Variants in ARHGAP11A observed in about 807,000 individuals in gnomAD.
ARHGAP11A encodes the protein Rho GTPase activating protein 11A.
A neutral mutation model predicts 60.5 loss-of-function variants in ARHGAP11A; 36 were observed. The observed-to-expected ratio is 0.59, with a 90% CI of 0.46 to 0.79. The LOEUF (loss-of-function observed/expected upper bound fraction) is 0.79, where lower values mean the gene tolerates loss of function less well. ARHGAP11A is among the 30% of genes least tolerant of loss of function. The pLI is 0.00. For synonymous variants in ARHGAP11A, 362 were observed against 415.5 expected, an observed-to-expected ratio of 0.87 and a Z score of 1.57; for missense variants, 1,071 against 1,199.2, an observed-to-expected ratio of 0.89 and a Z score of 1.58.
At position 32,636,960 on chromosome 15, in the gene ARHGAP11A, A is replaced by C; in HGVS notation, c.2187A>C (p.Pro729=). The change falls in exon 12 of 12, where the codon CCA becomes CCC. Residue 729 remains proline (P), a synonymous_variant. Coordinates refer to ENST00000361627, the MANE Select transcript of ARHGAP11A (RefSeq NM_014783.6). ...SDEEIKKQQS[P]KDKLNNKLKE... is the part of the protein sequence containing the mutation. Reference sequence around the variant, plus strand: ...AAGAAATAAAGAAACAGCAGTCCCCAAAGGATAAACTAAATAATAAATTAA... The same window carrying C: ...AAGAAATAAAGAAACAGCAGTCCCCCAAGGATAAACTAAATAATAAATTAA... 2 of 1,610,470 alleles carry C rather than the reference A, an allele frequency of 1.2e-6. No homozygotes were observed. The highest frequency in any genetic ancestry group is 1.7e-6 in the Non-Finnish European group (2 of 1,179,022).
In ARHGAP11A at chr15:32,636,388, T is replaced by C. The variant is rs2053714312; in HGVS notation, c.1615T>C (p.Ser539Pro). The C allele has an allele frequency of 1.9e-6, 3 of 1,614,116 alleles. No homozygotes were observed. The highest frequency in any genetic ancestry group is 2.2e-5 in the East Asian group (1 of 44,870). ...FQEVDANEASSMVENLEVENS... is the reference protein window; with the variant it reads ...FQEVDANEASPMVENLEVENS... ...AGAAGTAGATGCAAATGAAGCTTCTTCAATGGTGGAAAATCTTGAGGTAGA... is the reference window on the plus strand; with the variant it reads ...AGAAGTAGATGCAAATGAAGCTTCTCCAATGGTGGAAAATCTTGAGGTAGA... Residue 539 changes from serine to proline, a missense_variant, in exon 12 of 12, where the codon TCA (serine) becomes CCA (proline). Around this residue, in one of 4 missense-constraint regions of ARHGAP11A, gnomAD observed 776 missense variants for 760.2 expected, o/e 1.02. Coordinates refer to ENST00000361627, the MANE Select transcript of ARHGAP11A (RefSeq NM_014783.6).
At position 32,638,249 on chromosome 15, in the gene ARHGAP11A, A is replaced by G. The variant is rs1173797269; in HGVS notation, c.*404A>G. The stretch of plus-strand genomic sequence containing the variant: ...CCACCACGCCCAGCTAATTTTTTGT[A>G]TTTTTAGTAGAGACGGTTTCACCGT... On this transcript the variant is annotated 3_prime_UTR_variant, in exon 12 of 12. Coordinates refer to ENST00000361627, the MANE Select transcript of ARHGAP11A (RefSeq NM_014783.6). The G allele has an allele frequency of 6.2e-6, 1 of 160,502 alleles. No homozygotes were observed. The highest frequency in any genetic ancestry group is 2.4e-5 in the African/African-American group (1 of 41,442). 9.9% of individuals were successfully genotyped at this position (160,502 alleles called of 1,614,324 possible).
chr15:32,621,063 C>T (rs1040166430), intron 2 of ARHGAP11A, among the ~76,000 whole-genome samples: 1 of 149,618 alleles, frequency 6.7e-6, no homozygotes, highest in African/African-American at 2.5e-5. Context: ...AGAGTGAGAC[C>T]ATGTCTCTTG....
chr15:32,637,506 A>C lies in ARHGAP11A; in HGVS notation c.2733A>C (p.Ser911=). ...AGAAGTCCATGTCATGTGAAGAGTC[A>C]AATATTGGTGCAATTTCAAAGTCAA... ...KEQKSMSCEE[S]NIGAISKSSM... Residue 911 remains serine, a synonymous_variant, in exon 12 of 12, where the codon TCA becomes TCC. Transcript: ENST00000361627. 6.2e-7 allele frequency: 1 copy of C among 1,613,978 alleles called. No individual in the cohort carries two copies.
intron 10 of ARHGAP11A, 69 bp from the exon 11 acceptor site, chr15:32,635,708 T>A (rs2053689739): frequency 3.6e-6 from 4 of 1,117,450 alleles, no homozygotes; most frequent in Middle Eastern, 3.2e-4. Flanking sequence ...CTACAAAAAA[T>A]TATTCTGTCT....
Position 32,616,333 on chromosome 15 carries a change from A to C in ARHGAP11A, c.122A>C (p.Glu41Ala), listed in dbSNP as rs2053144288. The C allele has an allele frequency of 1.8e-5, 29 of 1,613,970 alleles. No homozygotes were observed. The highest frequency in any genetic ancestry group is 2.5e-5 in the Non-Finnish European group (29 of 1,179,950). Residue 41 changes from glutamate (E) to alanine (A), a missense_variant, in exon 1 of 12, where the codon GAA becomes GCA. Around this residue, in one of 4 missense-constraint regions of ARHGAP11A, gnomAD observed 71 missense variants for 142.4 expected, o/e 0.50. Coordinates refer to ENST00000361627, the MANE Select transcript of ARHGAP11A (RefSeq NM_014783.6). ...AGGAGACATGAAACAGCAGCCACGGAAATAGGGGTAAGTTCTGTGAAAAGG... is the reference window on the plus strand; with the variant it reads ...AGGAGACATGAAACAGCAGCCACGGCAATAGGGGTAAGTTCTGTGAAAAGG... ...DRRRHETAAT[E>A]IGGKIFGVPF...
At chr15:32,623,746 A>G (rs899301005) in intron 3 of ARHGAP11A, among the ~76,000 whole-genome samples, 158 bp downstream of exon 3, 1 of 152,092 alleles carries the variant, frequency 6.6e-6, no homozygotes, top group Non-Finnish European at 1.5e-5. Flanking sequence ...AAGAAATGGT[A>G]TATTATTTCT....
intron 1 of ARHGAP11A, among the ~76,000 whole-genome samples, 180 bp downstream of exon 1, chr15:32,616,520 C>G (rs915679056): frequency 2.3e-4 from 35 of 152,078 alleles, no homozygotes; most frequent in African/African-American, 8.0e-4. Context: ...TTTTTTCCCC[C>G]AAGGATTTTT....
In ARHGAP11A at chr15:32,638,788, T is replaced by C. The variant is rs1173711234; in HGVS notation, c.*943T>C. On this transcript the variant is annotated 3_prime_UTR_variant, in exon 12 of 12. Coordinates refer to ENST00000361627, the MANE Select transcript of ARHGAP11A (RefSeq NM_014783.6). Reference sequence around the variant, plus strand: ...AATTGATAACTTTTAAGCCATACTATGTTTTTAAAGATAATTTGCACAAAC... The same window carrying C: ...AATTGATAACTTTTAAGCCATACTACGTTTTTAAAGATAATTTGCACAAAC... 4 of 152,670 alleles carry C rather than the reference T, an allele frequency of 2.6e-5. No individual in the cohort carries two copies. The highest frequency in any genetic ancestry group is 5.9e-5 in the Non-Finnish European group (4 of 68,042). The allele number at this position is 152,670 out of a possible 1,614,324, so 9.5% of individuals were successfully genotyped here. A position where few individuals can be genotyped will look rare whatever the true frequency, so the allele number is the denominator to read the frequency against.
At position 32,638,025 on chromosome 15, in the gene ARHGAP11A, TTC is replaced by T; in HGVS notation, c.*182_*183del. On this transcript the variant is annotated 3_prime_UTR_variant, in exon 12 of 12. Transcript: ENST00000361627. Reference sequence around the variant, plus strand: ...TTAGATTTTTATTTGTACAAATTACTTCTTTGTTTTTCTTAATGATGGCAATT... The same window carrying T: ...TTAGATTTTTATTTGTACAAATTACTTTTGTTTTTCTTAATGATGGCAATT... 1 of 580,070 alleles carries T rather than the reference TTC, an allele frequency of 1.7e-6. No individual in the cohort carries two copies. The highest frequency in any genetic ancestry group is 3.0e-5 in the East Asian group (1 of 33,264). The allele number at this position is 580,070 out of a possible 1,614,324, so 35.9% of individuals were successfully genotyped here.
Position 32,637,664 on chromosome 15 carries a change from A to G in ARHGAP11A, c.2891A>G (p.Asp964Gly), listed in dbSNP as rs781070124. 1.9e-6 allele frequency: 3 copies of G among 1,614,112 alleles called. No individual in the cohort carries two copies. Among genetic ancestry groups the G allele is most frequent in the Non-Finnish European group, 2.5e-6 (3 of 1,180,040 alleles). Reference protein sequence around the residue: ...SDGQVKVPLDDLTNHDIVKPV... With the variant: ...SDGQVKVPLDGLTNHDIVKPV... ...GGCCAAGTTAAGGTTCCCTTGGATG[A>G]TCTGACTAATCATGATATAGTAAAA... is the stretch of plus-strand genomic sequence containing the variant. The change falls in exon 12 of 12, where the codon GAT (aspartate) becomes GGT (glycine). Residue 964 changes from aspartate (D) to glycine (G), a missense_variant. Transcript: ENST00000361627.
At chr15:32,634,345 T>TG (rs1239607978) in intron 10 of ARHGAP11A, among the ~76,000 whole-genome samples, 2 of 152,142 alleles carry the variant, frequency 1.3e-5, no homozygotes, top group Non-Finnish European at 1.5e-5. Context: ...TCCCCATTTT[T>TG]GGGGGGGATT....
At position 32,639,520 on chromosome 15, in the gene ARHGAP11A, C is replaced by A. The variant is rs2053800215; in HGVS notation, c.*1675C>A. ...TTAAATTTTAAAAATGCATTAACGTCTTTTTATATCCATCAAGGGAAGGAT... is the reference window on the plus strand; with the variant it reads ...TTAAATTTTAAAAATGCATTAACGTATTTTTATATCCATCAAGGGAAGGAT... On this transcript the variant is annotated 3_prime_UTR_variant, in exon 12 of 12. Coordinates refer to ENST00000361627, the MANE Select transcript of ARHGAP11A (RefSeq NM_014783.6). 6.6e-6 allele frequency: 1 copy of A among 152,154 alleles called. No individual in the cohort carries two copies. Among genetic ancestry groups the A allele is most frequent in the Non-Finnish European group, 1.5e-5 (1 of 68,016 alleles). 9.4% of individuals were successfully genotyped at this position (152,154 alleles called of 1,614,324 possible).
chr15:32,618,841 A>G (rs1022243143), intron 1 of ARHGAP11A, among the ~76,000 whole-genome samples: 1 of 142,658 alleles, frequency 7.0e-6, no homozygotes, highest in Non-Finnish European at 1.5e-5. Flanking sequence ...AGTCCCAGCT[A>G]CTCGGGAAGC....
intron 4 of ARHGAP11A, among the ~76,000 whole-genome samples, chr15:32,624,823 A>G (rs1422329644): frequency 4.6e-5 from 7 of 151,516 alleles, no homozygotes; most frequent in African/African-American, 7.3e-5. Flanking sequence ...AAAATCAGAT[A>G]AAGATGTTCA....
At chr15:32,633,392 G>A (rs1220765452) in intron 9 of ARHGAP11A, among the ~76,000 whole-genome samples, 1 of 152,100 alleles carries the variant, frequency 6.6e-6, no homozygotes, top group Admixed American at 6.5e-5. Context: ...TGTAATCCTA[G>A]CACTTAGGGA....
Position 32,636,304 on chromosome 15 carries a change from C to A in ARHGAP11A, c.1531C>A (p.Arg511=), listed in dbSNP as rs760502227. 1.9e-6 allele frequency: 3 copies of A among 1,612,448 alleles called. No homozygotes were observed. The highest frequency in any genetic ancestry group is 1.1e-5 in the South Asian group (1 of 90,612). ...TGAGGAAACCTTACTAACTCCAGAG[C>A]GACTAGTTGGAACAAATTACCGGAT... ...KSEETLLTPE[R]LVGTNYRMSW... is the part of the protein sequence containing the mutation. The change falls in exon 12 of 12, where the codon CGA becomes AGA. Residue 511 remains arginine (R), a synonymous_variant. Coordinates refer to ENST00000361627, the MANE Select transcript of ARHGAP11A (RefSeq NM_014783.6).
intron 10 of ARHGAP11A, among the ~76,000 whole-genome samples, chr15:32,635,000 ATCTTTTAAAAT>A (rs1386217165): frequency 3.3e-5 from 5 of 152,202 alleles, no homozygotes; most frequent in African/African-American, 1.2e-4. Context: ...GTTGAAATTT[ATCTTTTAAAAT>A]CTGTTAGGTT....
chr15:32,617,259 A>G (rs773670133), intron 1 of ARHGAP11A, among the ~76,000 whole-genome samples: 3 of 152,088 alleles, frequency 2.0e-5, no homozygotes, highest in Non-Finnish European at 4.4e-5. Context: ...AACAAAAGTA[A>G]TATGTGTGCC....
Sources: gnomAD v4.1 joint callset for allele counts (sites outside exome capture counted in the v4.1 genomes callset) on GRCh38, gnomAD v4.1.1 for gene constraint, gnomAD v4.1.1 regional missense constraint, MANE v1.5 for transcripts, NCBI Gene and HGNC (gene_info 2026-07-23, HGNC 2026-07-21) for gene names.